Variants in SEPTIN9 observed in about 807,000 individuals in gnomAD.
The protein encoded by SEPTIN9 is septin-9.
A neutral mutation model predicts 56.6 loss-of-function variants in SEPTIN9; 13 were observed. The observed-to-expected ratio is 0.23, with a 90% CI of 0.15 to 0.37. The LOEUF (loss-of-function observed/expected upper bound fraction) is 0.37. SEPTIN9 is among the 10% of genes least tolerant of loss of function. SEPTIN9 has a pLI of 1.00. For missense variants in SEPTIN9, 650 were observed against 823.1 expected (o/e 0.79, Z 2.57); for synonymous variants, 332 against 334.1 (o/e 0.99, Z 0.07).
At chr17:77,410,395 C>G (rs2036250193) in intron 3 of SEPTIN9, among the ~76,000 whole-genome samples, 1 of 152,188 alleles carries the variant, frequency 6.6e-6, no homozygotes, top group Admixed American at 6.5e-5. Flanking sequence ...CTCGATTCCA[C>G]TCCACGGCCC....
chr17:77,397,026 C>T (rs375836982), intron 2 of SEPTIN9: 1 of 154,888 alleles, frequency 6.5e-6, no homozygotes, highest in Non-Finnish European at 1.5e-5. Context: ...AGTGGGTGAC[C>T]ACACCAGCTA....
At chr17:77,473,909 T>G (rs2039108013) in intron 3 of SEPTIN9, among the ~76,000 whole-genome samples, 1 of 152,214 alleles carries the variant, frequency 6.6e-6, no homozygotes. Flanking sequence ...ACCATTATTG[T>G]CTATAGTTTC....
intron 3 of SEPTIN9, among the ~76,000 whole-genome samples, chr17:77,466,727 CT>C (rs2038751511): frequency 6.6e-6 from 1 of 152,156 alleles, no homozygotes; most frequent in African/African-American, 2.4e-5. Context: ...TAAGAACACG[CT>C]ATTACTGCAG....
intron 1 of SEPTIN9, among the ~76,000 whole-genome samples, chr17:77,305,901 T>G (rs571011945): frequency 2.3e-4 from 5 of 21,698 alleles, no homozygotes; most frequent in Non-Finnish European, 4.5e-4. Flanking sequence ...GATGAGTGGG[T>G]GGGTGGGGGG....
chr17:77,451,298 C>G lies in SEPTIN9; in HGVS notation c.722-30846C>G. ...TGCCGCTGGGCGCCCCTATCTCTGC[C>G]TGCCCCCTCCTCCTGCTCCCCTCGC... On this transcript the variant is annotated intron_variant, in intron 3 of 11. Transcript: ENST00000427177. This position sits in a 1 kb window ranked among gnomAD's most constrained non-coding sequence, Gnocchi z 4.2. 1.1e-6 allele frequency: 1 copy of G among 920,074 alleles called. No individual in the cohort carries two copies. Among genetic ancestry groups the G allele is most frequent in the East Asian group, 1.2e-4 (1 of 8,524 alleles). 57.0% of individuals were successfully genotyped at this position (920,074 alleles called of 1,614,324 possible). A position where few individuals can be genotyped will look rare whatever the true frequency, so the allele number is the denominator to read the frequency against.
intron 3 of SEPTIN9, among the ~76,000 whole-genome samples, chr17:77,462,776 C>T (rs779176076): frequency 2.6e-5 from 4 of 151,938 alleles, no homozygotes; most frequent in East Asian, 3.9e-4. Flanking sequence ...CAAGTAGCTG[C>T]GACTACAGGC....
At chr17:77,482,736 G>A (rs958027691) in intron 4 of SEPTIN9, 1 of 574,786 alleles carries the variant, frequency 1.7e-6, no homozygotes, top group East Asian at 2.9e-5. Flanking sequence ...CCGGCCAGAG[G>A]CTTCCCAGCA....
Position 77,315,319 on chromosome 17 carries a change from G to A in SEPTIN9, c.76+8122G>A, listed in dbSNP as rs1017761220. Among the ~76,000 whole-genome samples the A allele has an allele frequency of 4.1e-5, 6 of 147,882 alleles. No homozygotes were observed. In the East Asian group the frequency reaches 5.9e-4, roughly 15 times the overall value. On this transcript the variant is annotated intron_variant, in intron 2 of 11. Transcript: ENST00000427177. The stretch of plus-strand genomic sequence containing the variant: ...TTTTTTTTTTTTGAGATGGAATCTC[G>A]CGCTGTCGCCCAGGCTGGAGTGCAG...
chr17:77,429,003 G>A lies in SEPTIN9; in HGVS notation c.721+26300G>A, dbSNP rs1289820266. On this transcript the variant is annotated intron_variant, in intron 3 of 11. Coordinates refer to ENST00000427177, the MANE Select transcript of SEPTIN9 (RefSeq NM_001113491.2). This position sits in a 1 kb window ranked among gnomAD's most constrained non-coding sequence, Gnocchi z 5.2. ...TATAATAAGTGGTAAGCCGTCAGAG[G>A]AGGCAGCCGGTGAGAATGGGAGCAT... is the stretch of plus-strand genomic sequence containing the variant. 2.1e-6 allele frequency: 1 copy of A among 471,296 alleles called. No individual in the cohort carries two copies. The highest frequency in any genetic ancestry group is 1.5e-5 in the South Asian group (1 of 64,572). 29.2% of individuals were successfully genotyped at this position (471,296 alleles called of 1,614,324 possible).
chr17:77,386,683 G>C (rs191331893), intron 2 of SEPTIN9, among the ~76,000 whole-genome samples: 2 of 152,198 alleles, frequency 1.3e-5, no homozygotes, highest in Non-Finnish European at 2.9e-5. Flanking sequence ...TGATCCTTGC[G>C]GACAGGTGAC....
chr17:77,282,056 C>G (rs1271974948), intron 1 of SEPTIN9, among the ~76,000 whole-genome samples: 1 of 152,216 alleles, frequency 6.6e-6, no homozygotes, highest in Non-Finnish European at 1.5e-5. Flanking sequence ...CTTGGCGACT[C>G]GGGTTCACGT....
At chr17:77,441,431 G>A (rs944785826) in intron 3 of SEPTIN9, among the ~76,000 whole-genome samples, 1 of 152,220 alleles carries the variant, frequency 6.6e-6, no homozygotes, top group Non-Finnish European at 1.5e-5. Flanking sequence ...GTCAGCCAGC[G>A]CCCCCATGCT....
At chr17:77,412,679 T>C (rs1598334113) in intron 3 of SEPTIN9, among the ~76,000 whole-genome samples, 1 of 151,940 alleles carries the variant, frequency 6.6e-6, no homozygotes, top group African/African-American at 2.4e-5. Context: ...TGAGCTGTGG[T>C]CATACCACTG....
At chr17:77,414,823 C>T (rs975834641) in intron 3 of SEPTIN9, among the ~76,000 whole-genome samples, 11 of 152,188 alleles carry the variant, frequency 7.2e-5, no homozygotes, top group African/African-American at 2.7e-4. Flanking sequence ...AATGATCCTC[C>T]TGCCTTGGCC....
intron 2 of SEPTIN9, among the ~76,000 whole-genome samples, chr17:77,390,526 G>A (rs1484046074): frequency 4.4e-5 from 6 of 135,158 alleles, no homozygotes; most frequent in East Asian, 2.3e-4. Context: ...ATCTCGGCTC[G>A]CTGCAAGCTC....
chr17:77,442,504 C>CT (rs1405983688), intron 3 of SEPTIN9, among the ~76,000 whole-genome samples: 3 of 92,978 alleles, frequency 3.2e-5, no homozygotes, highest in African/African-American at 8.6e-5. Flanking sequence ...GCCAACTAGT[C>CT]TTAAAAAAAA....
chr17:77,495,765 G>T (rs1007534314), intron 10 of SEPTIN9, among the ~76,000 whole-genome samples: 12 of 152,346 alleles, frequency 7.9e-5, no homozygotes, highest in Middle Eastern at 3.4e-3. Context: ...GCCGTGGCAG[G>T]AGGGCCTAGG....
intron 1 of SEPTIN9, among the ~76,000 whole-genome samples, chr17:77,291,497 T>G (rs948576306): frequency 4.6e-5 from 7 of 151,860 alleles, no homozygotes; most frequent in Non-Finnish European, 1.5e-5. Flanking sequence ...CTGGGCATGG[T>G]GGCACATGCC....
At chr17:77,390,610 C>A (rs1481187480) in intron 2 of SEPTIN9, among the ~76,000 whole-genome samples, 1 of 151,634 alleles carries the variant, frequency 6.6e-6, no homozygotes. Flanking sequence ...CGCCACCACG[C>A]CCGGCTAATT....
Sources: gnomAD v4.1 joint callset for allele counts (sites outside exome capture counted in the v4.1 genomes callset) on GRCh38, gnomAD v4.1.1 for gene constraint, Gnocchi (gnomAD v3.1) non-coding constraint, MANE v1.5 for transcripts, NCBI Gene and HGNC (gene_info 2026-07-23, HGNC 2026-07-21) for gene names.